Variants in TMEM150C observed in about 807,000 individuals in gnomAD.
TMEM150C encodes transmembrane protein 150C, also known as tentonin 3.
A neutral mutation model predicts 29.9 loss-of-function variants in TMEM150C; 10 were observed. The observed-to-expected ratio is 0.33, with a 90% CI of 0.21 to 0.57. The LOEUF (loss-of-function observed/expected upper bound fraction) is 0.57, where lower values mean the gene tolerates loss of function less well. Ranked by LOEUF, TMEM150C falls within the 20% of genes least tolerant of loss-of-function variation. TMEM150C has a pLI of 0.88. For synonymous variants in TMEM150C, 101 were observed against 112.5 expected (o/e 0.90, Z 0.64); for missense variants, 251 against 303.6 (o/e 0.83, Z 1.29).
rs1724400863 is a variant in TMEM150C at position 82,519,332 on chromosome 4, ACATTC to A, written c.-10-14670_-10-14666del. On this transcript the variant is annotated intron_variant, in intron 1 of 7. Transcript: ENST00000449862. ...ACCCCCTTATCCACAAAGGACACACACATTCCATGACCCCCAAGAGATGCCTGAAA... is the reference window on the plus strand; with the variant it reads ...ACCCCCTTATCCACAAAGGACACACACATGACCCCCAAGAGATGCCTGAAA... Among the ~76,000 whole-genome samples the A allele has an allele frequency of 2.0e-5, 3 of 152,310 alleles. No individual in the cohort carries two copies. In the South Asian group the frequency reaches 6.2e-4, roughly 32 times the overall value.
chr4:82,561,318 A>G (rs1364044187), intron 1 of TMEM150C, among the ~76,000 whole-genome samples: 1 of 152,206 alleles, frequency 6.6e-6, no homozygotes, highest in Non-Finnish European at 1.5e-5. Flanking sequence ...GTGTGCGCCC[A>G]GGAAAGGAAG....
intron 1 of TMEM150C, among the ~76,000 whole-genome samples, chr4:82,536,604 T>C (rs1454476589): frequency 6.6e-6 from 1 of 151,996 alleles, no homozygotes; most frequent in Non-Finnish European, 1.5e-5. Flanking sequence ...CAGCTGAGCA[T>C]GATGGTGCAT....
chr4:82,501,164 T>C (rs1432144557), intron 5 of TMEM150C, among the ~76,000 whole-genome samples: 1 of 152,244 alleles, frequency 6.6e-6, no homozygotes, highest in East Asian at 1.9e-4. Flanking sequence ...TGAATAAGTT[T>C]ATTAGGTCTT....
chr4:82,504,553 A>G (rs1408402730), intron 2 of TMEM150C, 25 bp downstream of exon 2: 1 of 1,593,822 alleles, frequency 6.3e-7, no homozygotes. Flanking sequence ...TGAATCCTTA[A>G]ATAATTAAAT....
rs971863830 is a variant in TMEM150C at position 82,485,162 on chromosome 4, C to G, written c.*349G>C. Reference sequence around the variant, plus strand: ...CAACGTCGGGAGTTGGCATTACTCCCAAGGAACATTTGGCCTGCCCTACTC... The same window carrying G: ...CAACGTCGGGAGTTGGCATTACTCCGAAGGAACATTTGGCCTGCCCTACTC... On this transcript the variant is annotated 3_prime_UTR_variant, in exon 8 of 8. Coordinates refer to ENST00000449862, the MANE Select transcript of TMEM150C (RefSeq NM_001080506.3). 4 of 217,642 alleles carry G rather than the reference C, an allele frequency of 1.8e-5. No individual in the cohort carries two copies. Among genetic ancestry groups the G allele is most frequent in the Non-Finnish European group, 3.7e-5 (4 of 108,756 alleles). 13.5% of individuals were successfully genotyped at this position (217,642 alleles called of 1,614,324 possible). A position where few individuals can be genotyped will look rare whatever the true frequency, so the allele number is the denominator to read the frequency against.
intron 1 of TMEM150C, among the ~76,000 whole-genome samples, chr4:82,509,347 G>T (rs1205975587): frequency 6.6e-6 from 1 of 152,120 alleles, no homozygotes; most frequent in African/African-American, 2.4e-5. Flanking sequence ...TGTTGCTCTG[G>T]AAGTCTTCAA....
At chr4:82,548,313 G>A (rs1384812517) in intron 1 of TMEM150C, among the ~76,000 whole-genome samples, 2 of 152,074 alleles carry the variant, frequency 1.3e-5, no homozygotes, top group Non-Finnish European at 2.9e-5. Flanking sequence ...ACTTGGACAT[G>A]TACCTCCTAA....
At chr4:82,559,705 G>A (rs186625347) in intron 1 of TMEM150C, among the ~76,000 whole-genome samples, 2 of 152,288 alleles carry the variant, frequency 1.3e-5, no homozygotes, top group East Asian at 3.9e-4. Context: ...ACCCTTACCA[G>A]AACCTAATCA....
chr4:82,487,503 G>C (rs1214447583), intron 7 of TMEM150C, among the ~76,000 whole-genome samples: 2 of 152,152 alleles, frequency 1.3e-5, no homozygotes, highest in African/African-American at 4.8e-5. Context: ...TTTTGAACAA[G>C]GATGCAAAAT....
chr4:82,515,367 G>A (rs1724257609), intron 1 of TMEM150C, among the ~76,000 whole-genome samples: 1 of 152,160 alleles, frequency 6.6e-6, no homozygotes, highest in African/African-American at 2.4e-5. Context: ...TATAGGAATG[G>A]CTGGGTAACA....
intron 1 of TMEM150C, among the ~76,000 whole-genome samples, chr4:82,559,152 T>G (rs1336574282): frequency 6.6e-6 from 1 of 152,192 alleles, no homozygotes; most frequent in Non-Finnish European, 1.5e-5. Flanking sequence ...CACCACCCTT[T>G]GCTGACTCCT....
intron 1 of TMEM150C, among the ~76,000 whole-genome samples, chr4:82,536,086 C>T (rs1169309046): frequency 3.3e-5 from 5 of 152,012 alleles, no homozygotes; most frequent in African/African-American, 4.8e-5. Flanking sequence ...TTAGGATGGG[C>T]GTGGTGGCTC....
intron 1 of TMEM150C, among the ~76,000 whole-genome samples, chr4:82,526,778 T>C (rs1022152654): frequency 6.6e-6 from 1 of 152,198 alleles, no homozygotes; most frequent in Non-Finnish European, 1.5e-5. Flanking sequence ...TAATTAAAAC[T>C]AGATGGCCTC....
intron 1 of TMEM150C, among the ~76,000 whole-genome samples, chr4:82,507,445 C>CAA (rs1723962633): frequency 6.6e-6 from 1 of 152,062 alleles, no homozygotes. Flanking sequence ...TTTCCTGGCT[C>CAA]AAGGTACTGG....
At chr4:82,552,375 TCA>T (rs1257357366) in intron 1 of TMEM150C, among the ~76,000 whole-genome samples, 2 of 151,926 alleles carry the variant, frequency 1.3e-5, no homozygotes, top group Admixed American at 1.3e-4. Context: ...CTCACCTCTG[TCA>T]CACACAAATC....
intron 1 of TMEM150C, among the ~76,000 whole-genome samples, chr4:82,553,237 G>A (rs1161897080): frequency 6.6e-6 from 1 of 152,062 alleles, no homozygotes; most frequent in Non-Finnish European, 1.5e-5. Flanking sequence ...AACATCAAAT[G>A]CCCTAAGACA....
At chr4:82,559,044 C>A (rs938763730) in intron 1 of TMEM150C, among the ~76,000 whole-genome samples, 1 of 152,182 alleles carries the variant, frequency 6.6e-6, no homozygotes, top group Non-Finnish European at 1.5e-5. Flanking sequence ...TTCTCCCCAC[C>A]CTTGAGAATG....
chr4:82,502,589 G>T, intron 5 of TMEM150C, 138 bp downstream of exon 5: 2 of 788,454 alleles, frequency 2.5e-6, no homozygotes, highest in African/African-American at 1.8e-5. Context: ...AAGACAAAGA[G>T]CTGGCTTCAG....
At chr4:82,513,034 G>C (rs10025801) in intron 1 of TMEM150C, among the ~76,000 whole-genome samples, 25,572 of 152,158 alleles carry the variant, frequency 0.17, 2,394 homozygotes, top group African/African-American at 0.25. Context: ...AAATGTTCCT[G>C]CCTGCCGGCT....
Sources: gnomAD v4.1 joint callset for allele counts (sites outside exome capture counted in the v4.1 genomes callset) on GRCh38, gnomAD v4.1.1 for gene constraint, MANE v1.5 for transcripts, NCBI Gene and HGNC (gene_info 2026-07-23, HGNC 2026-07-21) for gene names.